Variants in LATS2 observed in about 807,000 individuals in gnomAD.
The protein encoded by LATS2 is serine/threonine-protein kinase LATS2.
A neutral mutation model predicts 76.0 loss-of-function variants in LATS2; 24 were observed. The observed-to-expected ratio is 0.32, with a 90% CI of 0.23 to 0.44. The LOEUF is 0.44. Among genes scored for constraint, LATS2 ranks in the 20% least tolerant of loss-of-function variants. LATS2 has a pLI of 1.00. For missense variants in LATS2, 1,286 were observed against 1,481.2 expected, an observed-to-expected ratio of 0.87 and a Z score of 2.16; for synonymous variants, 692 against 635.4, an observed-to-expected ratio of 1.09 and a Z score of -1.34.
intron 2 of LATS2, chr13:21,005,728 C>A (rs1316064279): frequency 1.3e-5 from 2 of 149,368 alleles, no homozygotes; most frequent in Non-Finnish European, 2.9e-5. Context: ...CACATGAGGC[C>A]AGGAGTTGGA....
At chr13:21,046,928 T>G (rs1003240964) in intron 1 of LATS2, among the ~76,000 whole-genome samples, 1 of 152,202 alleles carries the variant, frequency 6.6e-6, no homozygotes, top group Non-Finnish European at 1.5e-5. Flanking sequence ...CTTGTAGCAA[T>G]TGATACTGAC....
chr13:21,006,781 T>C (rs1228546369), intron 2 of LATS2, among the ~76,000 whole-genome samples: 1 of 152,198 alleles, frequency 6.6e-6, no homozygotes, highest in African/African-American at 2.4e-5. Context: ...TAGCTGTGTG[T>C]GTTTGGGACT....
chr13:20,988,651 G>A lies in LATS2; in HGVS notation c.1129C>T (p.Arg377Cys), dbSNP rs1327443204. 5 of 1,579,608 alleles carry A rather than the reference G, an allele frequency of 3.2e-6. No homozygotes were observed. Among genetic ancestry groups the A allele is most frequent in the Non-Finnish European group, 4.3e-6 (5 of 1,172,476 alleles). The stretch of plus-strand genomic sequence containing the variant: ...CCCGGCTTCTGCAGGGAGTCCCGGC[G>A]GGCCAGGGTGGCAGCCGGCCACTGC... ...VQQWPAATLA[R>C]RDSLQKPGLE... The change falls in exon 4 of 8, where the codon CGC (arginine) becomes TGC (cysteine). Residue 377 changes from arginine to cysteine, a missense_variant. Transcript: ENST00000382592.
At chr13:20,982,554 G>A (rs1369559758) in intron 5 of LATS2, among the ~76,000 whole-genome samples, 4 of 151,924 alleles carry the variant, frequency 2.6e-5, no homozygotes, top group South Asian at 4.2e-4. Flanking sequence ...CAGGTGATCC[G>A]CCCACCTTGG....
At chr13:21,029,323 G>A (rs771614643) in intron 2 of LATS2, among the ~76,000 whole-genome samples, 15 of 152,204 alleles carry the variant, frequency 9.9e-5, no homozygotes, top group Non-Finnish European at 8.8e-5. Context: ...TATCTATTGA[G>A]ATGATGAAAT....
At position 20,985,608 on chromosome 13, in the gene LATS2, G is replaced by A. The variant is rs185371443; in HGVS notation, c.1900-1802C>T. Among the ~76,000 whole-genome samples, 173 of 151,898 alleles carry A rather than the reference G, an allele frequency of 1.1e-3. 1 individual carries two copies. The highest frequency in any genetic ancestry group is 4.0e-3 in the African/African-American group (166 of 41,416). ...ACAAAAATTAGCTGAGCATGGTGTCGCACACCTGTAGTCCCAGCTCTCAGG... is the reference window on the plus strand; with the variant it reads ...ACAAAAATTAGCTGAGCATGGTGTCACACACCTGTAGTCCCAGCTCTCAGG... On this transcript the variant is annotated intron_variant, in intron 4 of 7. Coordinates refer to ENST00000382592, the MANE Select transcript of LATS2 (RefSeq NM_014572.3).
intron 2 of LATS2, among the ~76,000 whole-genome samples, chr13:21,033,791 T>C (rs937149567): frequency 6.6e-6 from 1 of 151,604 alleles, no homozygotes; most frequent in African/African-American, 2.4e-5. Flanking sequence ...TGTGTACTTC[T>C]TGGCTGGAGA....
Position 20,983,217 on chromosome 13 carries a change from A to G in LATS2, c.2482+7T>C. The G allele has an allele frequency of 6.3e-7, 1 of 1,598,638 alleles. No homozygotes were observed. The highest frequency in any genetic ancestry group is 1.1e-5 in the South Asian group (1 of 90,334). The stretch of plus-strand genomic sequence containing the variant: ...AGAAAGTGCATGTGGCACACTTCAG[A>G]CAATACCTTTCTGGTAATATTTGGA... On this transcript the variant is annotated splice_region_variant and intron_variant, in intron 5 of 7. Transcript: ENST00000382592.
intron 2 of LATS2, among the ~76,000 whole-genome samples, chr13:20,994,717 A>G (rs1276161342): frequency 1.3e-5 from 2 of 152,148 alleles, no homozygotes; most frequent in Non-Finnish European, 2.9e-5. Context: ...CAACACAGTG[A>G]GACCCCGTCT....
At chr13:21,002,902 A>AT (rs1373988004) in intron 2 of LATS2, among the ~76,000 whole-genome samples, 1 of 152,028 alleles carries the variant, frequency 6.6e-6, no homozygotes, top group Non-Finnish European at 1.5e-5. Flanking sequence ...GGGTCCCACT[A>AT]TATTGCCTAG....
At chr13:20,978,777 C>G (rs2138265365) in intron 7 of LATS2, among the ~76,000 whole-genome samples, 1 of 151,952 alleles carries the variant, frequency 6.6e-6, no homozygotes, top group Non-Finnish European at 1.5e-5. Flanking sequence ...GATTTTTTTT[C>G]TTTAGACAGA....
In LATS2 at chr13:20,975,119, A is replaced by G; in HGVS notation, c.3018T>C (p.Asp1006=). The change falls in exon 8 of 8, where the codon GAT becomes GAC. Residue 1006 remains aspartate, a synonymous_variant. Coordinates refer to ENST00000382592, the MANE Select transcript of LATS2 (RefSeq NM_014572.3). The stretch of plus-strand genomic sequence containing the variant: ...TGGCATCGTTCCAAGGGCTTTCTTC[A>G]TCTACGGGGTCGAAATTCGAGGTGT... ...PMDTSNFDPV[D]EESPWNDASE... 1 of 1,614,156 alleles carries G rather than the reference A, an allele frequency of 6.2e-7. No individual in the cohort carries two copies. Among genetic ancestry groups the G allele is most frequent in the Middle Eastern group, 1.6e-4 (1 of 6,062 alleles).
intron 2 of LATS2, among the ~76,000 whole-genome samples, chr13:21,001,235 C>T (rs560463239): frequency 2.6e-5 from 4 of 152,288 alleles, no homozygotes; most frequent in Admixed American, 2.6e-4. Context: ...AAGCACATTC[C>T]ACAGAAACTT....
intron 2 of LATS2, chr13:21,005,271 AG>A (rs1230213195): frequency 1.3e-5 from 2 of 152,378 alleles, no homozygotes; most frequent in Admixed American, 1.3e-4. Flanking sequence ...TGAACAGAAA[AG>A]ATTGCACACA....
chr13:20,988,306 G>A lies in LATS2; in HGVS notation c.1474C>T (p.Leu492=). The A allele has an allele frequency of 1.9e-6, 3 of 1,560,900 alleles. No individual in the cohort carries two copies. The South Asian group carries it at 3.5e-5, about 18-fold the overall frequency. Residue 492 remains leucine (L), a synonymous_variant, in exon 4 of 8, where the codon CTG becomes TTG. Transcript: ENST00000382592. ...AAGGCGCCTGCGCCGCCCAGCGCCA[G>A]GGCATGCTCCTCCTTGGCGTCCAAG... ...EGLDAKEEHA[L]ALGGAGAFPL... is the part of the protein sequence containing the mutation.
chr13:20,987,967 A>G lies in LATS2; in HGVS notation c.1813T>C (p.Phe605Leu). ...KSYSPYAFKFFMEQHVENVIK... is the reference protein window; with the variant it reads ...KSYSPYAFKFLMEQHVENVIK... Reference sequence around the variant, plus strand: ...ACATTCTCCACGTGCTGCTCCATGAAGAACTTAAAGGCGTATGGCGAGTAG... The same window carrying G: ...ACATTCTCCACGTGCTGCTCCATGAGGAACTTAAAGGCGTATGGCGAGTAG... Residue 605 changes from phenylalanine (F) to leucine (L), a missense_variant, in exon 4 of 8, where the codon TTC becomes CTC. Transcript: ENST00000382592. 1 of 1,614,244 alleles carries G rather than the reference A, an allele frequency of 6.2e-7. No individual in the cohort carries two copies. Among genetic ancestry groups the G allele is most frequent in the African/African-American group, 1.3e-5 (1 of 75,074 alleles).
chr13:21,027,843 A>G (rs775057424), intron 2 of LATS2, among the ~76,000 whole-genome samples: 7 of 152,196 alleles, frequency 4.6e-5, no homozygotes, highest in Non-Finnish European at 1.0e-4. Context: ...GGATCCACAG[A>G]TAACTGTGAG....
At chr13:21,048,155 T>A (rs1157142614) in intron 1 of LATS2, among the ~76,000 whole-genome samples, 1 of 152,320 alleles carries the variant, frequency 6.6e-6, no homozygotes, top group Admixed American at 6.5e-5. Context: ...AGTGACTTTG[T>A]GCTCTAAGCA....
At chr13:20,997,786 T>C (rs1870823643) in intron 2 of LATS2, among the ~76,000 whole-genome samples, 1 of 152,202 alleles carries the variant, frequency 6.6e-6, no homozygotes, top group Non-Finnish European at 1.5e-5. Context: ...GAGCTGGGCT[T>C]GCAATGTCTA....
Sources: allele counts gnomAD v4.1 joint callset (sites outside exome capture counted in the v4.1 genomes callset), GRCh38; gene constraint gnomAD v4.1.1; transcripts MANE v1.5; gene names NCBI Gene and HGNC (gene_info 2026-07-23, HGNC 2026-07-21).